Variants in NIBAN2 observed in about 807,000 individuals in gnomAD.
The protein encoded by NIBAN2 is protein Niban 2.
Under a neutral mutation model 81.8 loss-of-function variants are expected in NIBAN2, and 36 were observed. That is an observed-to-expected ratio of 0.44 (90% confidence interval 0.34 to 0.58). The LOEUF (loss-of-function observed/expected upper bound fraction) is 0.58. Ranked by LOEUF, NIBAN2 falls within the 20% of genes least tolerant of loss-of-function variation. The pLI, the probability that NIBAN2 is intolerant of heterozygous loss-of-function variation, is 0.02. For missense variants in NIBAN2, 897 were observed against 1,014.1 expected, an observed-to-expected ratio of 0.88 and a Z score of 1.57; for synonymous variants, 445 against 441.6, an observed-to-expected ratio of 1.01 and a Z score of -0.10.
chr9:127,508,904 A>AC lies in NIBAN2; in HGVS notation c.1317+71dup. The AC allele has an allele frequency of 6.5e-7, 1 of 1,533,822 alleles. No homozygotes were observed. On this transcript the variant is annotated intron_variant, in intron 10 of 13. Transcript: ENST00000373312. The surrounding 1 kb of genome is among the most constrained non-coding windows in gnomAD (Gnocchi z 6.4). The stretch of plus-strand genomic sequence containing the variant: ...GGCATGACGGGACGGAGCAGAAGGG[A>AC]CCCCCTGGGCGAGGGGGCCTGTGGA...
chr9:127,518,710 G>A (rs117198427), intron 5 of NIBAN2, among the ~76,000 whole-genome samples: 31 of 152,312 alleles, frequency 2.0e-4, no homozygotes, highest in Non-Finnish European at 4.3e-4. Flanking sequence ...GGTCCACTGC[G>A]GGGCTCCCTG....
At position 127,568,909 on chromosome 9, in the gene NIBAN2, C is replaced by T. The variant is rs530533244; in HGVS notation, c.-35G>A. ...GTGTCGCGGCCCGATCCGGCCGACGCCGCCGCTGTTGCCCGCGCTGCTCAG... is the reference window on the plus strand; with the variant it reads ...GTGTCGCGGCCCGATCCGGCCGACGTCGCCGCTGTTGCCCGCGCTGCTCAG... On this transcript the variant is annotated 5_prime_UTR_variant, in exon 1 of 14. Coordinates refer to ENST00000373312, the MANE Select transcript of NIBAN2 (RefSeq NM_022833.4). 2 of 1,255,084 alleles carry T rather than the reference C, an allele frequency of 1.6e-6. No homozygotes were observed. Among genetic ancestry groups the T allele is most frequent in the Non-Finnish European group, 2.0e-6 (2 of 1,000,100 alleles). 77.7% of individuals were successfully genotyped at this position (1,255,084 alleles called of 1,614,324 possible). A position where few individuals can be genotyped will look rare whatever the true frequency, so the allele number is the denominator to read the frequency against.
intron 3 of NIBAN2, among the ~76,000 whole-genome samples, chr9:127,526,961 G>A (rs1162804735): frequency 6.6e-6 from 1 of 152,124 alleles, no homozygotes; most frequent in Non-Finnish European, 1.5e-5. Context: ...GGTTTATGAG[G>A]GACAGAAGGA....
Position 127,565,929 on chromosome 9 carries a change from G to GTCTC in NIBAN2, c.55+2887_55+2890dup, listed in dbSNP as rs746193186. Among the ~76,000 whole-genome samples the GTCTC allele has an allele frequency of 5.6e-3, 776 of 138,636 alleles. 7 individuals carry two copies. Among genetic ancestry groups the GTCTC allele is most frequent in the Non-Finnish European group, 7.6e-3 (494 of 64,734 alleles). The allele number at this position is 138,636 out of a possible 152,430, so 91.0% of individuals were successfully genotyped here. A position where few individuals can be genotyped will look rare whatever the true frequency, so the allele number is the denominator to read the frequency against. On this transcript the variant is annotated intron_variant, in intron 1 of 13. Transcript: ENST00000373312. ...AACCTGGGCAACATAGGGAGACCCTGTCTCTCTCTCTCTCTCTCACACACA... is the reference window on the plus strand; with the variant it reads ...AACCTGGGCAACATAGGGAGACCCTGTCTCTCTCTCTCTCTCTCTCTCACACACA...
Position 127,507,789 on chromosome 9 carries a change from C to T in NIBAN2, c.1654+78G>A, listed in dbSNP as rs575455539. ...GGCTTTTCTTTGAGCCTTAGCTGACCCCCTCAGCTGCCACCACTTCTCAGC... is the reference window on the plus strand; with the variant it reads ...GGCTTTTCTTTGAGCCTTAGCTGACTCCCTCAGCTGCCACCACTTCTCAGC... On this transcript the variant is annotated intron_variant, in intron 13 of 13. Coordinates refer to ENST00000373312, the MANE Select transcript of NIBAN2 (RefSeq NM_022833.4). The surrounding 1 kb of genome is among the most constrained non-coding windows in gnomAD (Gnocchi z 6.8). The T allele has an allele frequency of 1.9e-5, 25 of 1,306,530 alleles. No homozygotes were observed. The highest frequency in any genetic ancestry group is 2.8e-5 in the Non-Finnish European group (25 of 904,922). The allele number at this position is 1,306,530 out of a possible 1,614,324, so 80.9% of individuals were successfully genotyped here.
chr9:127,513,817 G>A (rs2132159593), intron 8 of NIBAN2, among the ~76,000 whole-genome samples: 1 of 152,168 alleles, frequency 6.6e-6, no homozygotes, highest in Non-Finnish European at 1.5e-5. Flanking sequence ...TAACTCTATG[G>A]ACTCACCTTG....
At chr9:127,552,441 G>T (rs1837593262) in intron 1 of NIBAN2, among the ~76,000 whole-genome samples, 1 of 152,044 alleles carries the variant, frequency 6.6e-6, no homozygotes, top group Non-Finnish European at 1.5e-5. Context: ...GCCAGGCATG[G>T]TGGCACAAGC....
intron 1 of NIBAN2, among the ~76,000 whole-genome samples, chr9:127,565,980 A>ACACACACAC (rs1564321578): frequency 2.0e-5 from 3 of 148,914 alleles, no homozygotes; most frequent in Non-Finnish European, 3.0e-5. Context: ...ACACACACAC[A>ACACACACAC]AATTAGCACG....
At chr9:127,570,082 G>A (rs1837929439), upstream of NIBAN2, among the ~76,000 whole-genome samples, 1 of 152,132 alleles carries the variant, frequency 6.6e-6, no homozygotes, top group Non-Finnish European at 1.5e-5. Context: ...ATCTGCACTG[G>A]GACAAGGCCA....
intron 1 of NIBAN2, among the ~76,000 whole-genome samples, chr9:127,578,050 G>A (rs1423042122): frequency 6.6e-6 from 1 of 151,862 alleles, no homozygotes; most frequent in Non-Finnish European, 1.5e-5. Context: ...AATTAGCTGG[G>A]TGTGGTGGTG....
At chr9:127,574,645 C>G (rs957591987) in intron 1 of NIBAN2, among the ~76,000 whole-genome samples, 3 of 152,084 alleles carry the variant, frequency 2.0e-5, no homozygotes, top group African/African-American at 7.2e-5. Context: ...ACAAACCTGT[C>G]AAACCTGAAA....
At chr9:127,569,144 C>G (rs1213965800), upstream of NIBAN2, 1 of 881,296 alleles carries the variant, frequency 1.1e-6, no homozygotes, top group Non-Finnish European at 1.3e-6. Flanking sequence ...CCCCCGCAGG[C>G]CAACCCCGCC....
intron 1 of NIBAN2, among the ~76,000 whole-genome samples, chr9:127,541,902 GC>G (rs1479779858): frequency 2.6e-5 from 4 of 152,022 alleles, no homozygotes; most frequent in Non-Finnish European, 5.9e-5. Flanking sequence ...ACCACTACCT[GC>G]CCCCTAGCAC....
Position 127,508,379 on chromosome 9 carries a change from G to A in NIBAN2, c.1434+43C>T. On this transcript the variant is annotated intron_variant, in intron 11 of 13. Coordinates refer to ENST00000373312, the MANE Select transcript of NIBAN2 (RefSeq NM_022833.4). The surrounding 1 kb of genome is among the most constrained non-coding windows in gnomAD (Gnocchi z 6.4). ...GGCCGGGGATGAGGCTCGGGGCTCG[G>A]CCTCGCCTAGGACGGTCCGGGGCAG... 6.6e-7 allele frequency: 1 copy of A among 1,523,504 alleles called. No homozygotes were observed. The highest frequency in any genetic ancestry group is 9.0e-7 in the Non-Finnish European group (1 of 1,109,056). The allele number at this position is 1,523,504 out of a possible 1,614,324, so 94.4% of individuals were successfully genotyped here.
chr9:127,573,672 G>A (rs59364055), upstream of NIBAN2, among the ~76,000 whole-genome samples: 266 of 151,920 alleles, frequency 1.8e-3, no homozygotes, highest in African/African-American at 6.2e-3. Context: ...TGTTTATTTC[G>A]AGACAGGGTC....
At chr9:127,529,983 T>C (rs2132186246) in intron 2 of NIBAN2, among the ~76,000 whole-genome samples, 1 of 152,328 alleles carries the variant, frequency 6.6e-6, no homozygotes, top group African/African-American at 2.4e-5. Flanking sequence ...AAATGAGGCC[T>C]CACGCAGAGG....
At chr9:127,511,011 A>G (rs1359769053) in intron 8 of NIBAN2, among the ~76,000 whole-genome samples, 1 of 152,088 alleles carries the variant, frequency 6.6e-6, no homozygotes. Flanking sequence ...GTAATTTTTC[A>G]GCCCTCTCCC....
intron 3 of NIBAN2, 106 bp downstream of exon 3, chr9:127,527,088 G>A: frequency 2.1e-6 from 3 of 1,418,078 alleles, no homozygotes; most frequent in Non-Finnish European, 2.9e-6. Context: ...GTGACCGCGT[G>A]CAGGCTGTGA....
chr9:127,568,772 G>A, intron 1 of NIBAN2, 48 bp downstream of exon 1: 1 of 1,249,318 alleles, frequency 8.0e-7, no homozygotes, highest in Admixed American at 4.3e-5. Context: ...GCGTGGTCCG[G>A]GGGTTCCGGC....
Sources: gnomAD v4.1 joint callset for allele counts (sites outside exome capture counted in the v4.1 genomes callset) on GRCh38, gnomAD v4.1.1 for gene constraint, Gnocchi (gnomAD v3.1) non-coding constraint, MANE v1.5 for transcripts, NCBI Gene and HGNC (gene_info 2026-07-23, HGNC 2026-07-21) for gene names.